The following ANKH variants were observed in gnomAD, a reference collection of about 807,000 sequenced individuals.
ANKH encodes ANKH inorganic pyrophosphate transport regulator.
A neutral mutation model predicts 49.0 loss-of-function variants in ANKH; 15 were observed. The observed-to-expected ratio is 0.31, with a 90% CI of 0.20 to 0.47. The LOEUF is 0.47. Among genes scored for constraint, ANKH ranks in the 20% least tolerant of loss-of-function variants. The pLI is 1.00. For synonymous variants in ANKH, 273 were observed against 260.0 expected (o/e 1.05, Z -0.48); for missense variants, 429 against 652.0 (o/e 0.66, Z 3.72).
chr5:14,865,366 A>G (rs1306049259), intron 1 of ANKH, among the ~76,000 whole-genome samples: 1 of 152,244 alleles, frequency 6.6e-6, no homozygotes, highest in Non-Finnish European at 1.5e-5. Flanking sequence ...ATTTTTTCAC[A>G]TTTAAAAAAT....
At chr5:14,833,581 A>G (rs919651647) in intron 1 of ANKH, among the ~76,000 whole-genome samples, 125 of 152,322 alleles carry the variant, frequency 8.2e-4, no homozygotes, top group African/African-American at 2.7e-3. Context: ...GATGAGGACT[A>G]CCTTAAGTAT....
intron 1 of ANKH, among the ~76,000 whole-genome samples, chr5:14,832,389 G>T (rs1331161205): frequency 6.6e-6 from 1 of 152,154 alleles, no homozygotes; most frequent in African/African-American, 2.4e-5. Context: ...TGCAGTGAGG[G>T]TTAAAAAACA....
chr5:14,731,872 C>T (rs1370307825), intron 8 of ANKH, among the ~76,000 whole-genome samples: 6 of 152,228 alleles, frequency 3.9e-5, no homozygotes, highest in African/African-American at 1.4e-4. Flanking sequence ...GCAATGCATA[C>T]GGCCACAGCT....
intron 1 of ANKH, among the ~76,000 whole-genome samples, chr5:14,791,260 G>C (rs77581997): frequency 1.3e-5 from 2 of 152,098 alleles, no homozygotes; most frequent in Non-Finnish European, 2.9e-5. Context: ...TGGGGTGGGC[G>C]CATGAGCTCA....
intron 1 of ANKH, among the ~76,000 whole-genome samples, chr5:14,856,446 T>C (rs1368611608): frequency 9.3e-6 from 1 of 106,974 alleles, no homozygotes; most frequent in Non-Finnish European, 2.0e-5. Flanking sequence ...AGTTGAAGCC[T>C]ACAGAGTTCT....
At chr5:14,830,649 C>A (rs958338013) in intron 1 of ANKH, among the ~76,000 whole-genome samples, 1 of 152,112 alleles carries the variant, frequency 6.6e-6, no homozygotes, top group Non-Finnish European at 1.5e-5. Context: ...GCAAGTCCGA[C>A]TAAGATAGCA....
At chr5:14,860,799 C>T (rs1031808311) in intron 1 of ANKH, among the ~76,000 whole-genome samples, 17 of 151,936 alleles carry the variant, frequency 1.1e-4, no homozygotes, top group Admixed American at 7.9e-4. Flanking sequence ...CTTGCTGTGA[C>T]GCCCAGGCTG....
intron 3 of ANKH, among the ~76,000 whole-genome samples, chr5:14,756,191 C>T (rs1405543443): frequency 1.3e-5 from 2 of 152,146 alleles, no homozygotes; most frequent in Admixed American, 1.3e-4. Flanking sequence ...TGTATGTAGA[C>T]TAGTGCGCTA....
At chr5:14,762,230 C>T (rs901334339) in intron 2 of ANKH, among the ~76,000 whole-genome samples, 1 of 152,186 alleles carries the variant, frequency 6.6e-6, no homozygotes, top group African/African-American at 2.4e-5. Context: ...AATAGTTTAA[C>T]AGAAACATCA....
chr5:14,749,950 A>T (rs1234936352), intron 5 of ANKH, among the ~76,000 whole-genome samples: 7 of 152,252 alleles, frequency 4.6e-5, no homozygotes. Context: ...TTGATTGTTC[A>T]CAAGGGTGAG....
At chr5:14,809,354 A>AAAAAAAAAAAAAAAAAAAAAAAG in intron 1 of ANKH, among the ~76,000 whole-genome samples, 1 of 130,268 alleles carries the variant, frequency 7.7e-6, no homozygotes, top group Non-Finnish European at 1.6e-5. Flanking sequence ...AAAAAAAAAA[A>AAAAAAAAAAAAAAAAAAAAAAAG]AAAGAAAAAA....
Position 14,751,219 on chromosome 5 carries a change from C to G in ANKH, c.537G>C (p.Leu179Phe), listed in dbSNP as rs1738704993. The G allele has an allele frequency of 6.2e-6, 10 of 1,614,136 alleles. No individual in the cohort carries two copies. The highest frequency in any genetic ancestry group is 1.1e-5 in the South Asian group (1 of 91,066). ...CCCGGCATTCCAGGTGACTGTGAAGCAAAATGGCTACAAAAACAACCTGAG... is the reference window on the plus strand; with the variant it reads ...CCCGGCATTCCAGGTGACTGTGAAGGAAAATGGCTACAAAAACAACCTGAG... Reference protein sequence around the residue: ...VIAQVVFVAILLHSHLECREP... With the variant: ...VIAQVVFVAIFLHSHLECREP... The change falls in exon 5 of 12, where the codon TTG becomes TTC. Residue 179 changes from leucine to phenylalanine, a missense_variant. Physicochemically the swap from Leu to Phe is conservative, Grantham distance 22. Transcript: ENST00000284268.
intron 1 of ANKH, among the ~76,000 whole-genome samples, chr5:14,781,729 C>T (rs146508917): frequency 6.6e-6 from 1 of 152,290 alleles, no homozygotes; most frequent in Non-Finnish European, 1.5e-5. Flanking sequence ...AGGATTGCTA[C>T]CATGAAAGTT....
At chr5:14,809,387 A>T (rs956087086) in intron 1 of ANKH, among the ~76,000 whole-genome samples, 3 of 151,310 alleles carry the variant, frequency 2.0e-5, no homozygotes, top group African/African-American at 4.8e-5. Context: ...ATAAGGAAAA[A>T]AAAATAAAAT....
At chr5:14,798,483 C>G in intron 1 of ANKH, 1 of 1,008,464 alleles carries the variant, frequency 9.9e-7, no homozygotes, top group Non-Finnish European at 1.4e-6. Context: ...TCTGCGCACG[C>G]GGTCTCTATT....
At chr5:14,711,557 ACTGCCCCGCCCCAGACAACCCGCTCC>A (rs1186128645) in intron 11 of ANKH, among the ~76,000 whole-genome samples, 4 of 152,168 alleles carry the variant, frequency 2.6e-5, no homozygotes, top group Admixed American at 1.3e-4. Context: ...ACCATGTCCC[ACTGCCCCGCCCCAGACAACCCGCTCC>A]CTGCTGCCCT....
intron 8 of ANKH, among the ~76,000 whole-genome samples, chr5:14,727,445 G>A (rs1451714420): frequency 1.3e-5 from 2 of 151,294 alleles, no homozygotes; most frequent in African/African-American, 4.9e-5. Context: ...CTACATGAAA[G>A]CAAAGTGTCT....
intron 1 of ANKH, among the ~76,000 whole-genome samples, chr5:14,786,384 G>A (rs113895268): frequency 0.014 from 2,077 of 152,258 alleles, 44 homozygotes; most frequent in African/African-American, 0.047. Context: ...ATCTGATGGC[G>A]TTCCAGTCAG....
At chr5:14,712,442 C>T (rs889213780) in intron 11 of ANKH, among the ~76,000 whole-genome samples, 7 of 152,250 alleles carry the variant, frequency 4.6e-5, no homozygotes, top group Admixed American at 3.3e-4. Flanking sequence ...ATCTCTGCTC[C>T]GCCCATGACC....
Sources: allele counts gnomAD v4.1 joint callset (sites outside exome capture counted in the v4.1 genomes callset), GRCh38; gene constraint gnomAD v4.1.1; transcripts MANE v1.5; gene names NCBI Gene and HGNC (gene_info 2026-07-23, HGNC 2026-07-21).